The following MAL variants were observed in gnomAD, a reference collection of about 807,000 sequenced individuals.
MAL encodes the protein myelin and lymphocyte protein.
A neutral mutation model predicts 16.7 loss-of-function variants in MAL; 5 were observed. The ratio of observed to expected loss-of-function variants is 0.30; its 90% CI spans 0.16 to 0.63. The LOEUF is 0.63. Ranked by LOEUF, MAL falls within the 30% of genes least tolerant of loss-of-function variation. The pLI is 0.82. For missense variants in MAL, 202 were observed against 195.8 expected (o/e 1.03, Z -0.19); for synonymous variants, 96 against 85.5 (o/e 1.12, Z -0.67).
intron 1 of MAL, among the ~76,000 whole-genome samples, chr2:95,028,152 CAAAAAAAAAAAA>C (rs898443996): frequency 2.5e-4 from 10 of 39,690 alleles, no homozygotes; most frequent in South Asian, 1.1e-3. Flanking sequence ...ACTAAAAATA[CAAAAAAAAAAAA>C]AAAAAAAAAA....
chr2:95,029,914 T>G (rs1295294712), intron 1 of MAL, among the ~76,000 whole-genome samples: 3 of 152,230 alleles, frequency 2.0e-5, no homozygotes, highest in African/African-American at 7.2e-5. Context: ...AGCGTCAGAC[T>G]TTATAATTTT....
intron 1 of MAL, among the ~76,000 whole-genome samples, chr2:95,028,310 G>A (rs558603767): frequency 6.6e-6 from 1 of 152,046 alleles, no homozygotes; most frequent in East Asian, 1.9e-4. Context: ...GCAACAGAGT[G>A]AGACTCGGTC....
intron 1 of MAL, among the ~76,000 whole-genome samples, chr2:95,039,873 C>G (rs1205647128): frequency 6.6e-6 from 1 of 152,134 alleles, no homozygotes; most frequent in African/African-American, 2.4e-5. Flanking sequence ...TACTCCTTGC[C>G]TCTCAGAACT....
intron 1 of MAL, among the ~76,000 whole-genome samples, chr2:95,043,061 C>T (rs1674507221): frequency 6.6e-6 from 1 of 152,262 alleles, no homozygotes; most frequent in African/African-American, 2.4e-5. Flanking sequence ...CCAAGCCCGG[C>T]TGCCCAGCCT....
At chr2:95,037,480 GTGAC>G (rs1674259318) in intron 1 of MAL, among the ~76,000 whole-genome samples, 2 of 151,446 alleles carry the variant, frequency 1.3e-5, no homozygotes, top group South Asian at 4.2e-4. Context: ...GAGTGACTGA[GTGAC>G]TGAGTGAGTG....
intron 1 of MAL, among the ~76,000 whole-genome samples, chr2:95,027,148 A>G (rs566529195): frequency 6.6e-6 from 1 of 152,218 alleles, no homozygotes; most frequent in East Asian, 1.9e-4. Flanking sequence ...GTTTACAGAG[A>G]GCCAGCCCCC....
chr2:95,039,303 AGTGG>A (rs1674374044), intron 1 of MAL, among the ~76,000 whole-genome samples: 1 of 149,746 alleles, frequency 6.7e-6, no homozygotes, highest in Admixed American at 6.6e-5. Flanking sequence ...TGAGTGACTG[AGTGG>A]GTGAGTGAGT....
At chr2:95,045,302 C>A (rs557216062) in intron 1 of MAL, among the ~76,000 whole-genome samples, 2 of 152,186 alleles carry the variant, frequency 1.3e-5, no homozygotes, top group South Asian at 4.1e-4. Flanking sequence ...GATTCCATAA[C>A]GGAGTCTCTT....
intron 1 of MAL, among the ~76,000 whole-genome samples, chr2:95,034,614 C>G (rs1262243860): frequency 2.0e-5 from 3 of 152,172 alleles, no homozygotes; most frequent in African/African-American, 7.2e-5. Flanking sequence ...CCTCACCTCC[C>G]CCAGCCTCCA....
intron 1 of MAL, among the ~76,000 whole-genome samples, chr2:95,027,256 G>A (rs1385604908): frequency 6.6e-5 from 10 of 152,160 alleles, no homozygotes; most frequent in Non-Finnish European, 1.5e-4. Context: ...CGGGAAAGGT[G>A]ACCGGAGACT....
intron 1 of MAL, among the ~76,000 whole-genome samples, chr2:95,033,859 G>T (rs1674143746): frequency 6.6e-6 from 1 of 152,148 alleles, no homozygotes; most frequent in Non-Finnish European, 1.5e-5. Flanking sequence ...GCCTGGATCT[G>T]GGCCTCAGCC....
chr2:95,038,382 AAGTG>A (rs1256769985), intron 1 of MAL, among the ~76,000 whole-genome samples: 12 of 60,056 alleles, frequency 2.0e-4, no homozygotes, highest in East Asian at 1.8e-3. Context: ...GTGAGTGACT[AAGTG>A]AGTGAGTGAG....
In MAL at chr2:95,039,102, GAGTA is replaced by G. The variant is rs1292504496; in HGVS notation, c.94-8853_94-8850del. On this transcript the variant is annotated intron_variant, in intron 1 of 3. Coordinates refer to ENST00000309988, the MANE Select transcript of MAL (RefSeq NM_002371.4). ...TGATTGAGTGACTGAGTGAGTGAGT[GAGTA>G]AGTGTCTGAGTGACTGAGTGAGTGA... Among the ~76,000 whole-genome samples, 64 of 150,104 alleles carry G rather than the reference GAGTA, an allele frequency of 4.3e-4. 1 individual carries two copies. Among genetic ancestry groups the G allele is most frequent in the South Asian group, 8.5e-4 (4 of 4,718 alleles).
chr2:95,035,831 G>C (rs1440655850), intron 1 of MAL, among the ~76,000 whole-genome samples: 1 of 151,828 alleles, frequency 6.6e-6, no homozygotes, highest in Non-Finnish European at 1.5e-5. Context: ...CACCACACCC[G>C]GCTAATTTTT....
chr2:95,047,929 C>A, intron 1 of MAL, 30 bp from the exon 2 acceptor site: 1 of 1,605,778 alleles, frequency 6.2e-7, no homozygotes, highest in Non-Finnish European at 8.5e-7. Flanking sequence ...CTCCTCTAGG[C>A]CAAAACTCAC....
At chr2:95,034,420 G>A (rs1674158060) in intron 1 of MAL, among the ~76,000 whole-genome samples, 1 of 152,186 alleles carries the variant, frequency 6.6e-6, no homozygotes, top group African/African-American at 2.4e-5. Flanking sequence ...TGCCAAGATG[G>A]GCAGGCAGAG....
intron 3 of MAL, among the ~76,000 whole-genome samples, chr2:95,050,105 C>A (rs1016733056): frequency 6.6e-6 from 1 of 152,114 alleles, no homozygotes; most frequent in Non-Finnish European, 1.5e-5. Context: ...CCCAAGATCA[C>A]CAGTCATTGT....
At chr2:95,041,051 T>C (rs1674451323) in intron 1 of MAL, among the ~76,000 whole-genome samples, 1 of 152,190 alleles carries the variant, frequency 6.6e-6, no homozygotes, top group Non-Finnish European at 1.5e-5. Flanking sequence ...TTTCCGTTTG[T>C]GGAGGCCCTA....
At chr2:95,035,732 T>C (rs1156387468) in intron 1 of MAL, among the ~76,000 whole-genome samples, 1 of 150,686 alleles carries the variant, frequency 6.6e-6, no homozygotes, top group East Asian at 2.0e-4. Context: ...TGCAGTGGCA[T>C]GATCTCGGCT....
Sources: gnomAD v4.1 joint callset for allele counts (sites outside exome capture counted in the v4.1 genomes callset) on GRCh38, gnomAD v4.1.1 for gene constraint, MANE v1.5 for transcripts, NCBI Gene and HGNC (gene_info 2026-07-23, HGNC 2026-07-21) for gene names.